The following GREB1L variants were observed in gnomAD, a reference collection of about 807,000 sequenced individuals.
The protein encoded by GREB1L is GREB1 like retinoic acid receptor coactivator.
Under a neutral mutation model 200.8 loss-of-function variants are expected in GREB1L, and 17 were observed. That is an observed-to-expected ratio of 0.08 (90% CI 0.06 to 0.13). The LOEUF (loss-of-function observed/expected upper bound fraction) is 0.13, where lower values mean the gene tolerates loss of function less well. Among genes scored for constraint, GREB1L ranks in the 10% least tolerant of loss-of-function variants. The probability of loss-of-function intolerance (pLI) is 1.00; values close to 1 mark genes in which losing one functional copy is unlikely to be tolerated. For missense variants in GREB1L, 1,657 were observed against 2,367.7 expected (o/e 0.70, Z 6.23); for synonymous variants, 789 against 893.0 (o/e 0.88, Z 2.08).
intron 5 of GREB1L, among the ~76,000 whole-genome samples, chr18:21,396,987 C>T (rs2041091974): frequency 6.6e-6 from 1 of 151,986 alleles, no homozygotes; most frequent in South Asian, 2.1e-4. Context: ...GCAATGAATT[C>T]AAATATTGTA....
At chr18:21,434,499 A>ATATATATATATG (rs1392320151) in intron 7 of GREB1L, among the ~76,000 whole-genome samples, 61 of 127,238 alleles carry the variant, frequency 4.8e-4, no homozygotes, top group African/African-American at 1.9e-3. Context: ...ATATATATAT[A>ATATATATATATG]TGTGTGTGTG....
chr18:21,477,195 C>T lies in GREB1L; in HGVS notation c.2395C>T (p.Pro799Ser). ...TTCAGGCTCTTTGTCACATAGCGAA[C>T]CCAGTCATGGGCTAGCTGATAGAGT... is the stretch of plus-strand genomic sequence containing the variant. ...VISGSLSHSE[P>S]SHGLADRVIN... Residue 799 changes from proline (P) to serine (S), a missense_variant, in exon 17 of 33, where the codon CCC becomes TCC. By Grantham distance (74) the Pro-to-Ser change is moderately conservative (BLOSUM62 -1). Coordinates refer to ENST00000424526, the MANE Select transcript of GREB1L (RefSeq NM_001142966.3). 1 of 1,551,820 alleles carries T rather than the reference C, an allele frequency of 6.4e-7. No homozygotes were observed. Among genetic ancestry groups the T allele is most frequent in the Non-Finnish European group, 8.7e-7 (1 of 1,146,914 alleles).
chr18:21,309,880 C>T (rs2038763862), intron 1 of GREB1L, among the ~76,000 whole-genome samples: 1 of 151,812 alleles, frequency 6.6e-6, no homozygotes, highest in South Asian at 2.1e-4. Context: ...AAACATCCTG[C>T]AATGCACAAA....
chr18:21,297,192 A>G (rs1234331252), intron 1 of GREB1L, among the ~76,000 whole-genome samples: 1 of 152,130 alleles, frequency 6.6e-6, no homozygotes, highest in Non-Finnish European at 1.5e-5. Context: ...TATACACATT[A>G]AAGTTTGAGA....
chr18:21,520,008 C>T (rs2037557600), intron 31 of GREB1L, among the ~76,000 whole-genome samples: 1 of 151,818 alleles, frequency 6.6e-6, no homozygotes, highest in East Asian at 1.9e-4. Flanking sequence ...GCAACCTCGG[C>T]TCAGTGCAAC....
At chr18:21,315,719 A>C (rs915119489) in intron 1 of GREB1L, among the ~76,000 whole-genome samples, 1 of 152,132 alleles carries the variant, frequency 6.6e-6, no homozygotes, top group African/African-American at 2.4e-5. Flanking sequence ...ACAGACTGCT[A>C]AAGTACGTTT....
intron 1 of GREB1L, among the ~76,000 whole-genome samples, chr18:21,335,849 G>C (rs2145092269): frequency 1.3e-5 from 2 of 152,014 alleles, no homozygotes. Flanking sequence ...ATTTTTAGTA[G>C]AGACGGGGAT....
intron 27 of GREB1L, among the ~76,000 whole-genome samples, chr18:21,508,994 C>G (rs964114331): frequency 6.6e-6 from 1 of 152,140 alleles, no homozygotes; most frequent in African/African-American, 2.4e-5. Flanking sequence ...GCCCCTAGGT[C>G]ATCTCATCTT....
At chr18:21,470,145 A>G (rs928225080) in intron 15 of GREB1L, among the ~76,000 whole-genome samples, 1 of 151,912 alleles carries the variant, frequency 6.6e-6, no homozygotes, top group African/African-American at 2.4e-5. Context: ...AATCTTAGCC[A>G]GGCATGCTAG....
intron 1 of GREB1L, among the ~76,000 whole-genome samples, chr18:21,340,776 C>T (rs1445558521): frequency 6.6e-6 from 1 of 152,088 alleles, no homozygotes; most frequent in African/African-American, 2.4e-5. Flanking sequence ...AACTCCTGAC[C>T]TCATGATCCA....
chr18:21,296,024 C>A (rs1415827002), intron 1 of GREB1L, among the ~76,000 whole-genome samples: 2 of 152,162 alleles, frequency 1.3e-5, no homozygotes, highest in East Asian at 3.8e-4. Flanking sequence ...TTGGAGATAT[C>A]TCAAAGAACT....
intron 18 of GREB1L, among the ~76,000 whole-genome samples, chr18:21,487,882 G>A (rs1401325712): frequency 2.0e-5 from 3 of 151,710 alleles, no homozygotes; most frequent in Non-Finnish European, 4.4e-5. Flanking sequence ...GTGGTGGCGG[G>A]CACCTGTAAT....
chr18:21,458,354 T>A (rs901115299), intron 15 of GREB1L, among the ~76,000 whole-genome samples: 6 of 152,254 alleles, frequency 3.9e-5, no homozygotes, highest in Admixed American at 3.9e-4. Flanking sequence ...GCTCAACTGA[T>A]GTTTGAATGG....
chr18:21,405,229 A>G (rs1314394015), intron 7 of GREB1L, among the ~76,000 whole-genome samples: 4 of 152,232 alleles, frequency 2.6e-5, no homozygotes, highest in Non-Finnish European at 2.9e-5. Context: ...TAGGTATTCA[A>G]GAAAGAAACA....
chr18:21,466,255 A>C (rs557231905), intron 15 of GREB1L, among the ~76,000 whole-genome samples: 159 of 152,274 alleles, frequency 1.0e-3, no homozygotes, highest in African/African-American at 3.4e-3. Context: ...CAGTGCTGGT[A>C]CACATATAAG....
At chr18:21,348,210 G>T (rs987339903) in intron 1 of GREB1L, among the ~76,000 whole-genome samples, 7 of 151,930 alleles carry the variant, frequency 4.6e-5, no homozygotes, top group Non-Finnish European at 1.0e-4. Flanking sequence ...CTCCGAACGT[G>T]CTGGGATTAC....
At chr18:21,460,147 T>A (rs1033483659) in intron 15 of GREB1L, among the ~76,000 whole-genome samples, 5 of 152,138 alleles carry the variant, frequency 3.3e-5, no homozygotes, top group Non-Finnish European at 7.4e-5. Context: ...ATTCTTGTTT[T>A]GTTTTGTTTT....
intron 16 of GREB1L, among the ~76,000 whole-genome samples, chr18:21,475,430 G>A (rs1355493967): frequency 6.6e-6 from 1 of 152,090 alleles, no homozygotes; most frequent in African/African-American, 2.4e-5. Context: ...TGCGATCTCG[G>A]CTCACTGCAA....
intron 1 of GREB1L, among the ~76,000 whole-genome samples, chr18:21,258,394 A>T (rs955480068): frequency 6.6e-6 from 1 of 152,184 alleles, no homozygotes; most frequent in African/African-American, 2.4e-5. Context: ...CCAAGCACAT[A>T]GTTGCCCCCT....
Sources: gnomAD v4.1 joint callset for allele counts (sites outside exome capture counted in the v4.1 genomes callset) on GRCh38, gnomAD v4.1.1 for gene constraint, MANE v1.5 for transcripts, NCBI Gene and HGNC (gene_info 2026-07-23, HGNC 2026-07-21) for gene names.